GALNT13: variants seen among roughly 807,000 people sequenced by gnomAD.
GALNT13 encodes polypeptide N-acetylgalactosaminyltransferase 13, also known as UDP-GalNAc:polypeptide N-acetylgalactosaminyltransferase 13.
In GALNT13, 28 loss-of-function variants were observed where a neutral mutation model predicts 64.2. The ratio of observed to expected loss-of-function variants is 0.44; its 90% CI spans 0.32 to 0.60. GALNT13 has a LOEUF of 0.60. Ranked by LOEUF, GALNT13 falls within the 20% of genes least tolerant of loss-of-function variation. The pLI, the probability that GALNT13 is intolerant of heterozygous loss-of-function variation, is 0.05. For missense variants in GALNT13, 577 were observed against 669.8 expected (o/e 0.86, Z 1.53); for synonymous variants, 214 against 224.6 (o/e 0.95, Z 0.42).
the GALNT13 span, among the ~76,000 whole-genome samples, chr2:153,443,167 C>T: frequency 6.6e-5 from 10 of 152,182 alleles, no homozygotes; most frequent in Non-Finnish European, 1.3e-4. Flanking sequence ...AAACCTAGGG[C>T]CCTGGTAGCA....
chr2:153,853,459 C>T, the GALNT13 span, among the ~76,000 whole-genome samples: 15 of 151,988 alleles, frequency 9.9e-5, no homozygotes, highest in African/African-American at 3.4e-4. Context: ...TCCAGCAACA[C>T]GTGAATAAAT....
chr2:154,242,767 A>G lies in GALNT13; in HGVS notation c.548A>G (p.Glu183Gly). ...LEVPVKIIRM[E>G]ERSGLIRARL... The stretch of plus-strand genomic sequence containing the variant: ...GTGCCAGTAAAAATTATTAGGATGG[A>G]AGAACGCTCTGGGTTAATACGTGCC... The change falls in exon 6 of 13, where the codon GAA becomes GGA. Residue 183 changes from glutamate to glycine, a missense_variant. Physicochemically the swap from Glu to Gly is moderately conservative, Grantham distance 98. Transcript: ENST00000392825. The G allele has an allele frequency of 6.2e-7, 1 of 1,614,074 alleles. No homozygotes were observed.
chr2:154,266,607 AAATG>A (rs1691014851), intron 8 of GALNT13, among the ~76,000 whole-genome samples: 1 of 151,984 alleles, frequency 6.6e-6, no homozygotes, highest in African/African-American at 2.4e-5. Flanking sequence ...TTAAAGACCT[AAATG>A]AATGAAGATA....
At chr2:153,846,396 T>C in the GALNT13 span, among the ~76,000 whole-genome samples, 2 of 152,132 alleles carry the variant, frequency 1.3e-5, no homozygotes, top group African/African-American at 4.8e-5. Flanking sequence ...TGAATGTTTA[T>C]AGGTATTCAC....
the GALNT13 span, among the ~76,000 whole-genome samples, chr2:153,140,279 G>C: frequency 6.6e-6 from 1 of 152,088 alleles, no homozygotes; most frequent in South Asian, 2.1e-4. Flanking sequence ...ACGAGAACCC[G>C]ATAAGTTAAC....
intron 9 of GALNT13, among the ~76,000 whole-genome samples, chr2:154,340,899 AGT>A (rs57448184): frequency 0.79 from 118,136 of 149,266 alleles, 47,468 homozygotes; most frequent in East Asian, 0.91. Flanking sequence ...TGTGTGTATG[AGT>A]GTGTGTGTGT....
chr2:153,277,927 C>CTTTTTTTTTTTTTTTTTTTTTTTTTTTT, the GALNT13 span, among the ~76,000 whole-genome samples: 17 of 80,112 alleles, frequency 2.1e-4, no homozygotes, highest in Non-Finnish European at 3.7e-4. Context: ...TCTTTTCTTT[C>CTTTTTTTTTTTTTTTTTTTTTTTTTTTT]TTTTTTTTTT....
the GALNT13 span, among the ~76,000 whole-genome samples, chr2:153,859,605 T>C: frequency 6.6e-6 from 1 of 152,122 alleles, no homozygotes. Flanking sequence ...GAAAAATAAA[T>C]AGATAAGTAT....
the GALNT13 span, among the ~76,000 whole-genome samples, chr2:153,136,836 A>C: frequency 1.4e-5 from 2 of 140,660 alleles, no homozygotes; most frequent in Non-Finnish European, 3.1e-5. Context: ...TATTTACACT[A>C]TGGTGTTTGC....
intron 8 of GALNT13, among the ~76,000 whole-genome samples, chr2:154,262,963 C>T (rs1244239736): frequency 1.3e-5 from 2 of 152,102 alleles, no homozygotes; most frequent in Non-Finnish European, 2.9e-5. Flanking sequence ...TAAGTATCAA[C>T]CAACAAGCAT....
At chr2:153,306,479 G>T in the GALNT13 span, among the ~76,000 whole-genome samples, 1 of 152,048 alleles carries the variant, frequency 6.6e-6, no homozygotes, top group African/African-American at 2.4e-5. Flanking sequence ...CTAAACATCT[G>T]TCCAATTTAT....
the GALNT13 span, among the ~76,000 whole-genome samples, chr2:153,721,316 A>G: frequency 6.9e-6 from 1 of 144,884 alleles, no homozygotes; most frequent in African/African-American, 2.8e-5. Context: ...AGGAAGCGCT[A>G]AACATGGAAA....
chr2:153,262,870 A>G, the GALNT13 span, among the ~76,000 whole-genome samples: 2 of 152,174 alleles, frequency 1.3e-5, no homozygotes, highest in African/African-American at 4.8e-5. Context: ...AGGTGGAAGC[A>G]TTCCACTTGA....
At chr2:153,818,819 G>A in the GALNT13 span, among the ~76,000 whole-genome samples, 1 of 152,100 alleles carries the variant, frequency 6.6e-6, no homozygotes, top group Non-Finnish European at 1.5e-5. Flanking sequence ...GCATCCCAGA[G>A]CCCTTCTGAA....
the GALNT13 span, among the ~76,000 whole-genome samples, chr2:153,077,236 G>A: frequency 6.6e-6 from 1 of 152,248 alleles, no homozygotes. Flanking sequence ...ACAGGTGTGA[G>A]CCACCATGCC....
the GALNT13 span, among the ~76,000 whole-genome samples, chr2:153,799,962 T>C: frequency 6.6e-6 from 1 of 152,084 alleles, no homozygotes; most frequent in Admixed American, 6.6e-5. Context: ...AGTAGCATTA[T>C]CTTGCCTAGA....
At chr2:153,656,317 AGT>A in the GALNT13 span, among the ~76,000 whole-genome samples, 28,260 of 149,368 alleles carry the variant, frequency 0.19, 2,981 homozygotes, top group Non-Finnish European at 0.24. Flanking sequence ...GACTTAAAGA[AGT>A]GTGTGTGTGT....
the GALNT13 span, among the ~76,000 whole-genome samples, chr2:153,243,122 T>C: frequency 0.13 from 20,197 of 152,198 alleles, 1,654 homozygotes; most frequent in Non-Finnish European, 0.18. Flanking sequence ...CTGGGTGATA[T>C]GCACACATCC....
the GALNT13 span, among the ~76,000 whole-genome samples, chr2:153,497,370 A>G: frequency 6.6e-6 from 1 of 152,038 alleles, no homozygotes; most frequent in South Asian, 2.1e-4. Flanking sequence ...CCTCTTCTCT[A>G]TGTTCCCACA....
Sources: gnomAD v4.1 joint callset for allele counts (sites outside exome capture counted in the v4.1 genomes callset) on GRCh38, gnomAD v4.1.1 for gene constraint, MANE v1.5 for transcripts, NCBI Gene and HGNC (gene_info 2026-07-23, HGNC 2026-07-21) for gene names.